The following AKAP6 variants were observed in gnomAD, a reference collection of about 807,000 sequenced individuals.
AKAP6 encodes the protein A-kinase anchor protein 6.
In AKAP6, 58 loss-of-function variants were observed where a neutral mutation model predicts 188.5. The ratio of observed to expected loss-of-function variants is 0.31; its 90% confidence interval spans 0.25 to 0.38. AKAP6 has a LOEUF of 0.38. AKAP6 is among the 10% of genes least tolerant of loss of function. AKAP6 has a pLI of 1.00. For synonymous variants in AKAP6, 989 were observed against 998.6 expected (o/e 0.99, Z 0.18); for missense variants, 2,710 against 2,740.0 (o/e 0.99, Z 0.24).
intron 7 of AKAP6, among the ~76,000 whole-genome samples, chr14:32,630,392 G>A (rs972336462): frequency 2.6e-5 from 4 of 151,434 alleles, no homozygotes; most frequent in African/African-American, 4.8e-5. Context: ...CTATTGTAAG[G>A]AAAAAAAGGC....
At chr14:32,736,263 A>G (rs2031417188) in intron 11 of AKAP6, among the ~76,000 whole-genome samples, 1 of 152,214 alleles carries the variant, frequency 6.6e-6, no homozygotes, top group Non-Finnish European at 1.5e-5. Flanking sequence ...TGATAAAAAC[A>G]CATGATTTAA....
intron 11 of AKAP6, among the ~76,000 whole-genome samples, chr14:32,738,248 A>T (rs1352108727): frequency 6.6e-6 from 1 of 152,134 alleles, no homozygotes; most frequent in East Asian, 1.9e-4. Context: ...CTTCAGAGAG[A>T]AAAGAAAATA....
At position 32,352,473 on chromosome 14, in the gene AKAP6, A is replaced by G. The variant is rs145962583; in HGVS notation, c.-35+23065A>G. ...AGATATACAAGATTGTTAACTAGTC[A>G]CTGTACTGTGCAATAGAATACCAGA... On this transcript the variant is annotated intron_variant, in intron 1 of 13. Coordinates refer to ENST00000280979, the MANE Select transcript of AKAP6 (RefSeq NM_004274.5). 6.0e-4 allele frequency among the ~76,000 whole-genome samples: 91 copies of G among 152,168 alleles called. 1 individual carries two copies. The highest frequency in any genetic ancestry group is 2.0e-3 in the African/African-American group (85 of 41,524).
At chr14:32,799,515 G>T in intron 12 of AKAP6, among the ~76,000 whole-genome samples, 1 of 151,834 alleles carries the variant, frequency 6.6e-6, no homozygotes. Context: ...TTGTATTTTT[G>T]TTTTTATTTA....
chr14:32,535,966 A>G (rs1462949202), intron 3 of AKAP6, among the ~76,000 whole-genome samples, 161 bp downstream of exon 3: 3 of 152,252 alleles, frequency 2.0e-5, no homozygotes, highest in African/African-American at 4.8e-5. Context: ...GGCACTTCCA[A>G]TATGAATGGG....
At chr14:32,355,305 A>G (rs192408716) in intron 1 of AKAP6, among the ~76,000 whole-genome samples, 24 of 152,246 alleles carry the variant, frequency 1.6e-4, no homozygotes, top group African/African-American at 5.5e-4. Context: ...AAATCCTGCA[A>G]TGTTGCAGTG....
At chr14:32,751,498 C>CTTTTTT (rs71432082) in intron 11 of AKAP6, among the ~76,000 whole-genome samples, 10 of 122,546 alleles carry the variant, frequency 8.2e-5, no homozygotes, top group Non-Finnish European at 1.2e-4. Flanking sequence ...TCTCTTTTCA[C>CTTTTTT]TTTTTTTTTT....
rs557395377 is a variant in AKAP6, at chr14:32,364,139, A to G, written c.-35+34731A>G. The stretch of plus-strand genomic sequence containing the variant: ...TTTACACTGGGGAGAGGATGTAGAG[A>G]CAATGAATCTGGATTGCTTTTTGTA... On this transcript the variant is annotated intron_variant, in intron 1 of 13. Coordinates refer to ENST00000280979, the MANE Select transcript of AKAP6 (RefSeq NM_004274.5). Among the ~76,000 whole-genome samples the G allele has an allele frequency of 4.6e-5, 7 of 152,292 alleles. No individual in the cohort carries two copies. In the East Asian group the frequency reaches 1.4e-3, roughly 29 times the overall value.
chr14:32,815,195 T>A (rs2034347529), intron 12 of AKAP6, among the ~76,000 whole-genome samples: 1 of 152,066 alleles, frequency 6.6e-6, no homozygotes, highest in Non-Finnish European at 1.5e-5. Flanking sequence ...CTGATTTTAG[T>A]GAGATTTGTG....
intron 2 of AKAP6, among the ~76,000 whole-genome samples, chr14:32,522,167 C>T (rs898659306): frequency 3.3e-5 from 5 of 151,318 alleles, no homozygotes; most frequent in African/African-American, 7.2e-5. Flanking sequence ...TCCTTCCTTA[C>T]ACCTTATACA....
chr14:32,513,439 C>G (rs1271352171), intron 2 of AKAP6, among the ~76,000 whole-genome samples: 2 of 152,120 alleles, frequency 1.3e-5, no homozygotes, highest in Non-Finnish European at 2.9e-5. Flanking sequence ...CTAATGTTAC[C>G]TGGCCACCTG....
intron 12 of AKAP6, among the ~76,000 whole-genome samples, chr14:32,800,039 GTC>G (rs762313539): frequency 0.056 from 6,308 of 112,634 alleles, 212 homozygotes; most frequent in Non-Finnish European, 0.083. Context: ...GCAAAACCCT[GTC>G]TCTCTCTCTC....
chr14:32,786,296 A>ATGGTT, intron 12 of AKAP6, among the ~76,000 whole-genome samples: 1 of 93,706 alleles, frequency 1.1e-5, no homozygotes, highest in African/African-American at 4.1e-5. Context: ...CTAAACCTTT[A>ATGGTT]TCTTTTTTTT....
intron 1 of AKAP6, among the ~76,000 whole-genome samples, chr14:32,377,377 A>G (rs1470811962): frequency 1.3e-5 from 2 of 152,226 alleles, no homozygotes; most frequent in Non-Finnish European, 2.9e-5. Context: ...TGTATAACAC[A>G]TTCAGCCATG....
intron 7 of AKAP6, among the ~76,000 whole-genome samples, chr14:32,623,596 A>C (rs1329856427): frequency 6.6e-6 from 1 of 152,146 alleles, no homozygotes; most frequent in East Asian, 1.9e-4. Flanking sequence ...TCTCTTCTGC[A>C]AAATATTTGA....
At chr14:32,336,799 C>T (rs1886716632) in intron 1 of AKAP6, among the ~76,000 whole-genome samples, 1 of 152,158 alleles carries the variant, frequency 6.6e-6, no homozygotes, top group African/African-American at 2.4e-5. Flanking sequence ...TTTGTTACTA[C>T]TCCACCTCGT....
At chr14:32,679,637 C>T (rs1321477495) in intron 8 of AKAP6, among the ~76,000 whole-genome samples, 2 of 152,040 alleles carry the variant, frequency 1.3e-5, no homozygotes, top group African/African-American at 4.8e-5. Context: ...AACCCATTGT[C>T]TAAGAATATA....
rs547976717 is a variant in AKAP6 at position 32,790,172 on chromosome 14, A to G, written c.3588+16279A>G. On this transcript the variant is annotated intron_variant, in intron 12 of 13. Coordinates refer to ENST00000280979, the MANE Select transcript of AKAP6 (RefSeq NM_004274.5). ...ATAATACAGGCAGACAAGAATAGGG[A>G]AAAAGAACAAAAAGGAATGAACAAA... Among the ~76,000 whole-genome samples, 8 of 152,348 alleles carry G rather than the reference A, an allele frequency of 5.3e-5. No individual in the cohort carries two copies. The South Asian group carries it at 1.7e-3, about 32-fold the overall frequency.
intron 4 of AKAP6, among the ~76,000 whole-genome samples, chr14:32,551,154 C>T (rs1355827018): frequency 6.6e-6 from 1 of 152,190 alleles, no homozygotes; most frequent in East Asian, 1.9e-4. Flanking sequence ...CCTTTAGGAT[C>T]ATTGTCAGCT....
Sources: gnomAD v4.1 joint callset for allele counts (sites outside exome capture counted in the v4.1 genomes callset) on GRCh38, gnomAD v4.1.1 for gene constraint, MANE v1.5 for transcripts, NCBI Gene and HGNC (gene_info 2026-07-23, HGNC 2026-07-21) for gene names.